Variants in MAPK10 observed in about 807,000 individuals in gnomAD.
MAPK10 encodes the protein mitogen-activated protein kinase 10, also known as JNK3 alpha protein kinase.
Under a neutral mutation model 59.3 loss-of-function variants are expected in MAPK10, and 25 were observed. The ratio of observed to expected loss-of-function variants is 0.42; its 90% CI spans 0.31 to 0.59. MAPK10 has a LOEUF of 0.59. Among genes scored for constraint, MAPK10 ranks in the 20% least tolerant of loss-of-function variants. MAPK10 has a pLI of 0.15. For missense variants in MAPK10, 351 were observed against 568.9 expected (o/e 0.62, Z 3.90); for synonymous variants, 190 against 200.5 (o/e 0.95, Z 0.44).
intron 2 of MAPK10, among the ~76,000 whole-genome samples, chr4:86,301,499 T>G (rs1400523123): frequency 2.6e-5 from 4 of 152,042 alleles, no homozygotes; most frequent in Non-Finnish European, 5.9e-5. Flanking sequence ...TACGTAACTG[T>G]CAACTGAAGC....
At chr4:86,286,550 C>T (rs2095019880) in intron 2 of MAPK10, among the ~76,000 whole-genome samples, 1 of 152,100 alleles carries the variant, frequency 6.6e-6, no homozygotes, top group Admixed American at 6.6e-5. Context: ...TGTTATTATC[C>T]TCATTTTACA....
intron 3 of MAPK10, among the ~76,000 whole-genome samples, chr4:86,182,987 A>G (rs1019268571): frequency 2.6e-5 from 4 of 152,156 alleles, no homozygotes; most frequent in African/African-American, 9.6e-5. Flanking sequence ...AGAAAGTTGA[A>G]CTGAAAAATA....
chr4:86,563,026 T>C (rs1760796921), intron 1 of MAPK10, among the ~76,000 whole-genome samples: 1 of 152,232 alleles, frequency 6.6e-6, no homozygotes, highest in Admixed American at 6.5e-5. Context: ...GTTATGTTTA[T>C]TTCTTTCCTC....
At chr4:86,114,637 G>A (rs946442693) in intron 4 of MAPK10, among the ~76,000 whole-genome samples, 1 of 152,200 alleles carries the variant, frequency 6.6e-6, no homozygotes, top group Admixed American at 6.5e-5. Context: ...AACCCCTGTT[G>A]GGAGGTCTCA....
At chr4:86,450,243 G>A (rs1750546942) in intron 1 of MAPK10, among the ~76,000 whole-genome samples, 1 of 152,178 alleles carries the variant, frequency 6.6e-6, no homozygotes, top group Admixed American at 6.5e-5. Context: ...AATTTATGGT[G>A]GAGTTTAGTC....
chr4:86,129,982 T>C (rs1265514355), intron 4 of MAPK10, among the ~76,000 whole-genome samples: 2 of 152,174 alleles, frequency 1.3e-5, no homozygotes, highest in African/African-American at 4.8e-5. Flanking sequence ...AAAACGTGTG[T>C]ATGAATGTGT....
At chr4:86,266,099 C>T (rs1467766454) in intron 2 of MAPK10, among the ~76,000 whole-genome samples, 2 of 152,246 alleles carry the variant, frequency 1.3e-5, no homozygotes, top group Non-Finnish European at 2.9e-5. Context: ...TTCAAAAGAA[C>T]ATGTGACGAA....
chr4:86,107,546 T>C (rs1366919079), intron 4 of MAPK10, 194 bp from the exon 5 acceptor site: 2 of 1,203,764 alleles, frequency 1.7e-6, no homozygotes, highest in Non-Finnish European at 2.1e-6. Flanking sequence ...GCTAGGAGGA[T>C]GAAGAAGAGT....
intron 1 of MAPK10, among the ~76,000 whole-genome samples, chr4:86,541,460 A>G (rs1385540565): frequency 6.6e-6 from 1 of 152,176 alleles, no homozygotes; most frequent in Non-Finnish European, 1.5e-5. Flanking sequence ...CTATTCCCAA[A>G]GACCGCCACC....
chr4:86,128,801 T>C (rs1294834736), intron 4 of MAPK10, among the ~76,000 whole-genome samples: 3 of 152,226 alleles, frequency 2.0e-5, no homozygotes, highest in South Asian at 2.1e-4. Flanking sequence ...ATAACTGACA[T>C]CACTTGCTGT....
chr4:86,337,477 C>T (rs1722214318), intron 2 of MAPK10, among the ~76,000 whole-genome samples: 2 of 152,072 alleles, frequency 1.3e-5, no homozygotes, highest in Non-Finnish European at 2.9e-5. Context: ...TTTGGAGAAT[C>T]GTAAAGGAGA....
intron 2 of MAPK10, among the ~76,000 whole-genome samples, chr4:86,272,617 T>C (rs543752364): frequency 6.6e-6 from 1 of 152,112 alleles, no homozygotes; most frequent in African/African-American, 2.4e-5. Context: ...TTCTTTTCAT[T>C]TACACTTTGC....
chr4:86,395,220 T>C (rs916333670), intron 1 of MAPK10, among the ~76,000 whole-genome samples: 1 of 152,236 alleles, frequency 6.6e-6, no homozygotes, highest in Non-Finnish European at 1.5e-5. Flanking sequence ...ATTAATATTA[T>C]AGCTAAGGTC....
At chr4:86,334,689 G>A (rs774325112) in intron 2 of MAPK10, among the ~76,000 whole-genome samples, 6 of 151,106 alleles carry the variant, frequency 4.0e-5, no homozygotes, top group Admixed American at 1.3e-4. Context: ...ATCCAAACAC[G>A]TTTCCTCAAG....
intron 1 of MAPK10, among the ~76,000 whole-genome samples, chr4:86,507,264 G>C (rs1021599663): frequency 2.6e-5 from 4 of 151,830 alleles, no homozygotes; most frequent in African/African-American, 9.7e-5. Flanking sequence ...TAAATGACCA[G>C]GGAAATAAAA....
chr4:86,182,187 G>T (rs999533058), intron 3 of MAPK10, among the ~76,000 whole-genome samples: 4 of 151,752 alleles, frequency 2.6e-5, no homozygotes, highest in African/African-American at 9.7e-5. Context: ...GCCTTCAAAA[G>T]CTACTTGGTT....
chr4:86,380,530 C>T (rs749991530), intron 1 of MAPK10, among the ~76,000 whole-genome samples: 18 of 152,168 alleles, frequency 1.2e-4, no homozygotes, highest in Admixed American at 2.6e-4. Flanking sequence ...AGCTTCAGGC[C>T]TTCTGGTTAT....
intron 2 of MAPK10, among the ~76,000 whole-genome samples, chr4:86,301,241 T>C (rs1564141433): frequency 1.3e-5 from 2 of 152,010 alleles, no homozygotes; most frequent in Non-Finnish European, 2.9e-5. Flanking sequence ...GGCTGGTATT[T>C]GGCACAAGGA....
At chr4:86,196,299 T>C (rs2081294525) in intron 2 of MAPK10, among the ~76,000 whole-genome samples, 1 of 152,138 alleles carries the variant, frequency 6.6e-6, no homozygotes, top group African/African-American at 2.4e-5. Flanking sequence ...AGTTTTGATT[T>C]GCATTTCTCT....
Sources: allele counts gnomAD v4.1 joint callset (sites outside exome capture counted in the v4.1 genomes callset), GRCh38; gene constraint gnomAD v4.1.1; transcripts MANE v1.5; gene names NCBI Gene and HGNC (gene_info 2026-07-23, HGNC 2026-07-21).